The following DYNC1H1 variants were observed in gnomAD, a reference collection of about 807,000 sequenced individuals.
DYNC1H1 encodes cytoplasmic dynein 1 heavy chain 1.
DYNC1H1 carries 51 observed loss-of-function variants against 527.1 expected under a neutral mutation model. The ratio of observed to expected loss-of-function variants is 0.10; its 90% confidence interval spans 0.08 to 0.12. DYNC1H1 has a LOEUF of 0.12. DYNC1H1 is among the 10% of genes least tolerant of loss of function. The pLI is 1.00. For missense variants in DYNC1H1, 2,771 were observed against 5,971.8 expected (o/e 0.46, Z 17.66); for synonymous variants, 2,189 against 2,278.8 (o/e 0.96, Z 1.12).
In DYNC1H1 at chr14:101,985,816, A is replaced by G. The variant is rs2047930526; in HGVS notation, c.1591A>G (p.Lys531Glu). 1 of 1,614,044 alleles carries G rather than the reference A, an allele frequency of 6.2e-7. No homozygotes were observed. Reference sequence around the variant, plus strand: ...AGTAAACCTTGCTTATGAGAACGTCAAGGAAGTGGATGGACTGGATGTTTC... The same window carrying G: ...AGTAAACCTTGCTTATGAGAACGTCGAGGAAGTGGATGGACTGGATGTTTC... ...EEVNLAYENV[K>E]EVDGLDVSKE... The change falls in exon 8 of 78, where the codon AAG becomes GAG. Residue 531 changes from lysine (K) to glutamate (E), a missense_variant. Physicochemically the swap from Lys to Glu is moderately conservative, Grantham distance 56 (BLOSUM62 1). Transcript: ENST00000360184. This position sits in a 1 kb window ranked among gnomAD's most constrained non-coding sequence, Gnocchi z 5.9.
chr14:101,970,850 A>T (rs976207497), intron 1 of DYNC1H1, among the ~76,000 whole-genome samples: 7 of 151,952 alleles, frequency 4.6e-5, no homozygotes, highest in African/African-American at 1.7e-4. Flanking sequence ...TTTAACACGT[A>T]ATTTGGTAGT....
chr14:102,029,418 T>A lies in DYNC1H1; in HGVS notation c.9469-121T>A. On this transcript the variant is annotated intron_variant, in intron 48 of 77. Coordinates refer to ENST00000360184, the MANE Select transcript of DYNC1H1 (RefSeq NM_001376.5). The surrounding 1 kb of genome is among the most constrained non-coding windows in gnomAD (Gnocchi z 5.3). ...AAGCTGAGGCCCGACTCGAGTGTTCTGGCCCCGAGGGCCAGGCTCCTTCTA... is the reference window on the plus strand; with the variant it reads ...AAGCTGAGGCCCGACTCGAGTGTTCAGGCCCCGAGGGCCAGGCTCCTTCTA... 7.4e-7 allele frequency: 1 copy of A among 1,343,690 alleles called. No homozygotes were observed. The highest frequency in any genetic ancestry group is 1.0e-6 in the Non-Finnish European group (1 of 959,644). 83.2% of individuals were successfully genotyped at this position (1,343,690 alleles called of 1,614,324 possible). A position where few individuals can be genotyped will look rare whatever the true frequency, so the allele number is the denominator to read the frequency against.
rs1179204628 is a variant in DYNC1H1, at chr14:102,005,239, T to G, written c.5433+3T>G. ...GAAGGCGGAAGCTAGAACACTTGGTTAGTCTCACACCTGACTCCTTCCTTA... is the reference window on the plus strand; with the variant it reads ...GAAGGCGGAAGCTAGAACACTTGGTGAGTCTCACACCTGACTCCTTCCTTA... On this transcript the variant is annotated splice_donor_region_variant and intron_variant, in intron 26 of 77. Coordinates refer to ENST00000360184, the MANE Select transcript of DYNC1H1 (RefSeq NM_001376.5). This position sits in a 1 kb window ranked among gnomAD's most constrained non-coding sequence, Gnocchi z 4.0. The G allele has an allele frequency of 6.2e-7, 1 of 1,614,152 alleles. No homozygotes were observed. The highest frequency in any genetic ancestry group is 2.2e-5 in the East Asian group (1 of 44,884).
chr14:102,042,173 G>T lies in DYNC1H1; in HGVS notation c.12214+49G>T. ...TGGGCTGGAGCCCTGCAGGATTTGT[G>T]GTGGGCATTGATGTCCGAGGCTGCC... On this transcript the variant is annotated intron_variant, in intron 66 of 77. Coordinates refer to ENST00000360184, the MANE Select transcript of DYNC1H1 (RefSeq NM_001376.5). This position sits in a 1 kb window ranked among gnomAD's most constrained non-coding sequence, Gnocchi z 5.7. 1 of 1,613,962 alleles carries T rather than the reference G, an allele frequency of 6.2e-7. No homozygotes were observed. Among genetic ancestry groups the T allele is most frequent in the Non-Finnish European group, 8.5e-7 (1 of 1,179,988 alleles).
intron 7 of DYNC1H1, among the ~76,000 whole-genome samples, chr14:101,984,535 A>G (rs1376383530): frequency 1.4e-5 from 2 of 140,678 alleles, no homozygotes; most frequent in African/African-American, 2.7e-5. Flanking sequence ...GGTCACTGCA[A>G]CCTCTGCCTC....
Position 101,985,657 on chromosome 14 carries a change from A to G in DYNC1H1, c.1462-30A>G. ...ATTTTAAAGCCTTCGTTTGGTCAGC[A>G]TTTCTTGATTACATATCTTTCTCCT... On this transcript the variant is annotated intron_variant, in intron 7 of 77. Transcript: ENST00000360184. The surrounding 1 kb of genome is among the most constrained non-coding windows in gnomAD (Gnocchi z 5.9). 6.2e-7 allele frequency: 1 copy of G among 1,612,952 alleles called. No homozygotes were observed. Among genetic ancestry groups the G allele is most frequent in the Non-Finnish European group, 8.5e-7 (1 of 1,178,936 alleles).
chr14:101,987,664 CT>C, intron 9 of DYNC1H1, 32 bp downstream of exon 9: 2 of 1,612,678 alleles, frequency 1.2e-6, no homozygotes, highest in South Asian at 2.2e-5. Context: ...CATTTTCCTC[CT>C]TTTTCTTCTG....
At chr14:101,980,062 A>T in intron 4 of DYNC1H1, 88 bp downstream of exon 4, 1 of 1,590,594 alleles carries the variant, frequency 6.3e-7, no homozygotes, top group Non-Finnish European at 8.6e-7. Flanking sequence ...AGTGAGGTAA[A>T]TTATGTGATA....
chr14:102,028,385 G>A (rs1278894251), intron 48 of DYNC1H1: 1 of 433,748 alleles, frequency 2.3e-6, no homozygotes, highest in Non-Finnish European at 4.3e-6. Flanking sequence ...CATGGTGGTG[G>A]GCACCTATAG....
intron 1 of DYNC1H1, among the ~76,000 whole-genome samples, chr14:101,970,553 G>A (rs182089017): frequency 8.8e-4 from 109 of 123,184 alleles, no homozygotes; most frequent in African/African-American, 3.2e-3. Flanking sequence ...CACGATCTCC[G>A]CTCACTGCAA....
Position 102,041,639 on chromosome 14 carries a change from G to A in DYNC1H1, c.12007G>A (p.Ala4003Thr), listed in dbSNP as rs2152596279. 6.2e-7 allele frequency: 1 copy of A among 1,614,180 alleles called. No individual in the cohort carries two copies. The highest frequency in any genetic ancestry group is 8.5e-7 in the Non-Finnish European group (1 of 1,180,046). The change falls in exon 65 of 78, where the codon GCC becomes ACC. Residue 4003 changes from alanine (A) to threonine (T), a missense_variant. Coordinates refer to ENST00000360184, the MANE Select transcript of DYNC1H1 (RefSeq NM_001376.5). This position sits in a 1 kb window ranked among gnomAD's most constrained non-coding sequence, Gnocchi z 4.5. ...IQAFRPDRLL[A>T]MAHMFVSTNL... is the part of the protein sequence containing the mutation. ...GGCTTTCCGGCCCGATCGCCTGTTGGCCATGGCCCACATGTTTGTTTCAAC... is the reference window on the plus strand; with the variant it reads ...GGCTTTCCGGCCCGATCGCCTGTTGACCATGGCCCACATGTTTGTTTCAAC...
At chr14:101,971,085 C>CTTTTTTTTT (rs780745783) in intron 1 of DYNC1H1, among the ~76,000 whole-genome samples, 1 of 64,080 alleles carries the variant, frequency 1.6e-5, no homozygotes, top group Non-Finnish European at 2.9e-5. Context: ...CCGTATCATT[C>CTTTTTTTTT]TTTTTTTTTT....
Position 102,036,420 on chromosome 14 carries a change from C to T in DYNC1H1, c.10755-69C>T, listed in dbSNP as rs896853979. ...CAATCAGGGTCTCTCATCAGGGACT[C>T]GGCTAACCGTGATCCTGTGCTTTCC... On this transcript the variant is annotated intron_variant, in intron 56 of 77. Coordinates refer to ENST00000360184, the MANE Select transcript of DYNC1H1 (RefSeq NM_001376.5). The surrounding 1 kb of genome is among the most constrained non-coding windows in gnomAD (Gnocchi z 5.6). 38 of 1,602,318 alleles carry T rather than the reference C, an allele frequency of 2.4e-5. No homozygotes were observed. In the South Asian group the frequency reaches 3.5e-4, roughly 15 times the overall value.
Position 102,006,202 on chromosome 14 carries a change from A to G in DYNC1H1, c.5716+32A>G, listed in dbSNP as rs763202306. ...TCTTCCACAGATCTGGACAGATGGAATCATATATTAAAATGTTTAAAGATA... is the reference window on the plus strand; with the variant it reads ...TCTTCCACAGATCTGGACAGATGGAGTCATATATTAAAATGTTTAAAGATA... On this transcript the variant is annotated intron_variant, in intron 27 of 77. Transcript: ENST00000360184. 4.4e-5 allele frequency: 71 copies of G among 1,609,274 alleles called. 1 individual carries two copies. The highest frequency in any genetic ancestry group is 5.3e-5 in the Non-Finnish European group (63 of 1,179,540).
Position 101,983,337 on chromosome 14 carries a change from A to C in DYNC1H1, c.1234-45A>C, listed in dbSNP as rs367620474. On this transcript the variant is annotated intron_variant, in intron 6 of 77. Transcript: ENST00000360184. This position sits in a 1 kb window ranked among gnomAD's most constrained non-coding sequence, Gnocchi z 5.3. ...AACCAACCTCAAGACATTGAGATGA[A>C]AATATGTCTTAATAATAAGCCTCAC... The C allele has an allele frequency of 1.2e-6, 2 of 1,613,910 alleles. No homozygotes were observed. Among genetic ancestry groups the C allele is most frequent in the Non-Finnish European group, 1.7e-6 (2 of 1,179,768 alleles).
At position 102,010,617 on chromosome 14, in the gene DYNC1H1, T is replaced by C; in HGVS notation, c.6406-123T>C. Reference sequence around the variant, plus strand: ...TGACCCAGTGAGTCGAGTGCACGAATGTGGGCGAGTGGTGCTCGCACCCTT... The same window carrying C: ...TGACCCAGTGAGTCGAGTGCACGAACGTGGGCGAGTGGTGCTCGCACCCTT... On this transcript the variant is annotated intron_variant, in intron 31 of 77. Transcript: ENST00000360184. This position sits in a 1 kb window ranked among gnomAD's most constrained non-coding sequence, Gnocchi z 6.0. 1 of 1,500,416 alleles carries C rather than the reference T, an allele frequency of 6.7e-7. No homozygotes were observed. The highest frequency in any genetic ancestry group is 9.1e-7 in the Non-Finnish European group (1 of 1,095,680). The allele number at this position is 1,500,416 out of a possible 1,614,324, so 92.9% of individuals were successfully genotyped here. A position where few individuals can be genotyped will look rare whatever the true frequency, so the allele number is the denominator to read the frequency against.
rs2048847694 is a variant in DYNC1H1 at position 102,053,753 on chromosome 14, T to G, written c.*3190T>G. On this transcript the variant is annotated 3_prime_UTR_variant, in exon 78 of 78. Transcript: ENST00000360184. ...CACCACACTCGGCCTCTTTGTTTGTTTTTTTTTTTTTTTGAGACAGTCTGG... is the reference window on the plus strand; with the variant it reads ...CACCACACTCGGCCTCTTTGTTTGTGTTTTTTTTTTTTTGAGACAGTCTGG... 2 of 133,158 alleles carry G rather than the reference T, an allele frequency of 1.5e-5. No individual in the cohort carries two copies. The highest frequency in any genetic ancestry group is 3.0e-5 in the African/African-American group (1 of 33,764). 8.2% of individuals were successfully genotyped at this position (133,158 alleles called of 1,614,324 possible). A position where few individuals can be genotyped will look rare whatever the true frequency, so the allele number is the denominator to read the frequency against.
intron 16 of DYNC1H1, among the ~76,000 whole-genome samples, chr14:101,999,373 A>G (rs574093069): frequency 1.3e-5 from 2 of 151,400 alleles, no homozygotes; most frequent in Admixed American, 1.3e-4. Context: ...AAACTCCTGA[A>G]CTCAAGCAGT....
intron 27 of DYNC1H1, among the ~76,000 whole-genome samples, chr14:102,006,605 ATT>A (rs553096325): frequency 1.5e-5 from 2 of 137,800 alleles, no homozygotes; most frequent in Non-Finnish European, 1.6e-5. Context: ...TACTACTTTG[ATT>A]TTTTTTTTTT....
Sources: allele counts gnomAD v4.1 joint callset (sites outside exome capture counted in the v4.1 genomes callset), GRCh38; gene constraint gnomAD v4.1.1; non-coding constraint Gnocchi (gnomAD v3.1); transcripts MANE v1.5; gene names NCBI Gene and HGNC (gene_info 2026-07-23, HGNC 2026-07-21).